Variants in PRKCH observed in about 807,000 individuals in gnomAD.
PRKCH encodes protein kinase C eta type.
PRKCH carries 28 observed loss-of-function variants against 82.5 expected under a neutral mutation model. The observed-to-expected ratio is 0.34, with a 90% CI of 0.25 to 0.47. The LOEUF is 0.47. PRKCH is among the 20% of genes least tolerant of loss of function. The pLI is 1.00. For synonymous variants in PRKCH, 322 were observed against 327.4 expected (o/e 0.98, Z 0.18); for missense variants, 705 against 881.8 (o/e 0.80, Z 2.54).
At chr14:61,194,819 C>T (rs900195672) in intron 1 of PRKCH, among the ~76,000 whole-genome samples, 21 of 152,146 alleles carry the variant, frequency 1.4e-4, no homozygotes, top group Admixed American at 2.6e-4. Context: ...CTGCAACCTC[C>T]GCCTCCCAGG....
At chr14:61,306,306 G>C (rs936795045) in intron 1 of PRKCH, 1 of 152,134 alleles carries the variant, frequency 6.6e-6, no homozygotes, top group Non-Finnish European at 1.5e-5. Context: ...CCTGCACATG[G>C]GCTACACAGG....
At chr14:61,302,283 T>G (rs1202531846) in intron 1 of PRKCH, among the ~76,000 whole-genome samples, 1 of 152,248 alleles carries the variant, frequency 6.6e-6, no homozygotes, top group South Asian at 2.1e-4. Context: ...ATAGCATTCT[T>G]GCCTTTCCCA....
At chr14:61,220,308 C>T (rs2044645941) in intron 1 of PRKCH, among the ~76,000 whole-genome samples, 2 of 152,248 alleles carry the variant, frequency 1.3e-5, no homozygotes, top group Non-Finnish European at 1.5e-5. Context: ...TTTTGATCAC[C>T]TCGGCCAGAG....
At chr14:61,479,404 G>A (rs1391695419) in intron 9 of PRKCH, among the ~76,000 whole-genome samples, 1 of 152,164 alleles carries the variant, frequency 6.6e-6, no homozygotes, top group East Asian at 1.9e-4. Context: ...ATGCGGCCAG[G>A]CTGGAGCATG....
intron 1 of PRKCH, among the ~76,000 whole-genome samples, chr14:61,193,570 A>G (rs1399809778): frequency 6.6e-6 from 1 of 152,172 alleles, no homozygotes; most frequent in East Asian, 1.9e-4. Context: ...AACCTAGAAT[A>G]TGAAAGCATT....
chr14:61,372,831 T>C (rs1202228581), intron 1 of PRKCH, among the ~76,000 whole-genome samples: 1 of 152,084 alleles, frequency 6.6e-6, no homozygotes, highest in African/African-American at 2.4e-5. Flanking sequence ...GCTATAAAGT[T>C]CTATGGGTTT....
intron 1 of PRKCH, among the ~76,000 whole-genome samples, chr14:61,363,171 T>C (rs1019876540): frequency 6.6e-6 from 1 of 152,146 alleles, no homozygotes; most frequent in African/African-American, 2.4e-5. Context: ...TCAAGGACTA[T>C]AAAGGGGTAG....
At chr14:61,341,559 T>C (rs2045930105) in intron 1 of PRKCH, among the ~76,000 whole-genome samples, 1 of 152,024 alleles carries the variant, frequency 6.6e-6, no homozygotes, top group Admixed American at 6.6e-5. Flanking sequence ...CTCCCTGTAG[T>C]GAGGGAGGCA....
chr14:61,308,166 G>A (rs899145918), intron 1 of PRKCH, among the ~76,000 whole-genome samples: 2 of 152,152 alleles, frequency 1.3e-5, no homozygotes, highest in Non-Finnish European at 1.5e-5. Flanking sequence ...CTTAAAATGT[G>A]TAACAATTAT....
At position 61,502,097 on chromosome 14, in the gene PRKCH, C is replaced by T. The variant is rs117260673; in HGVS notation, c.1433+16441C>T. ...TTTTTTTTTTTCCGAGATGGAGTCT[C>T]ACTCTCACTCAGGCAGGAGTGCAAT... On this transcript the variant is annotated intron_variant, in intron 10 of 13. Coordinates refer to ENST00000332981, the MANE Select transcript of PRKCH (RefSeq NM_006255.5). Among the ~76,000 whole-genome samples the T allele has an allele frequency of 3.1e-3, 417 of 136,718 alleles. 19 individuals are homozygous for T. In the East Asian group the frequency reaches 0.055, roughly 18 times the overall value. The allele number at this position is 136,718 out of a possible 152,430, so 89.7% of individuals were successfully genotyped here. A position where few individuals can be genotyped will look rare whatever the true frequency, so the allele number is the denominator to read the frequency against.
rs561345658 is a variant in PRKCH, at chr14:61,529,704, A to G, written c.1572+491A>G. On this transcript the variant is annotated intron_variant, in intron 11 of 13. Transcript: ENST00000332981. ...CTCACTCATAGGTGGGAATTGAACG[A>G]TGAGATCACATGGACACAGGAAGGG... 6.3e-5 allele frequency among the ~76,000 whole-genome samples: 8 copies of G among 127,314 alleles called. No individual in the cohort carries two copies. In the East Asian group the frequency reaches 1.9e-3, roughly 30 times the overall value. 83.5% of individuals were successfully genotyped at this position (127,314 alleles called of 152,430 possible). A position where few individuals can be genotyped will look rare whatever the true frequency, so the allele number is the denominator to read the frequency against.
intron 2 of PRKCH, among the ~76,000 whole-genome samples, chr14:61,422,535 G>A (rs1364258429): frequency 1.3e-5 from 2 of 152,104 alleles, no homozygotes; most frequent in South Asian, 2.1e-4. Flanking sequence ...GTACTCTGCT[G>A]CTTAGGCTTT....
intron 10 of PRKCH, among the ~76,000 whole-genome samples, chr14:61,513,912 C>T (rs544574160): frequency 6.6e-6 from 1 of 152,062 alleles, no homozygotes; most frequent in Non-Finnish European, 1.5e-5. Flanking sequence ...GAGGGAATAT[C>T]ATCGTGTCCC....
chr14:61,222,217 A>G (rs143997986), intron 1 of PRKCH, among the ~76,000 whole-genome samples: 1 of 152,350 alleles, frequency 6.6e-6, no homozygotes. Flanking sequence ...ATTGTGTTTT[A>G]ATCATGAAAT....
chr14:61,254,068 C>T (rs1594875909), intron 1 of PRKCH, among the ~76,000 whole-genome samples: 3 of 139,198 alleles, frequency 2.2e-5, no homozygotes, highest in Admixed American at 8.0e-5. Context: ...TCTACTATGT[C>T]GAAACTCTAT....
intron 1 of PRKCH, 42 bp downstream of exon 1, chr14:61,322,506 C>T (rs754418504): frequency 7.7e-6 from 12 of 1,558,952 alleles, no homozygotes; most frequent in Middle Eastern, 1.7e-4. Flanking sequence ...CACCCAACCC[C>T]CGTTCCCCTT....
chr14:61,425,324 T>C (rs564179439), intron 2 of PRKCH, among the ~76,000 whole-genome samples: 15 of 152,244 alleles, frequency 9.9e-5, no homozygotes, highest in South Asian at 4.1e-4. Flanking sequence ...GAGGGGGATA[T>C]ACCCTGCAGA....
At chr14:61,486,807 C>T (rs1368139016) in intron 10 of PRKCH, among the ~76,000 whole-genome samples, 1 of 151,992 alleles carries the variant, frequency 6.6e-6, no homozygotes, top group Admixed American at 6.6e-5. Context: ...AGTCACCACA[C>T]CCAGCTCACA....
intron 1 of PRKCH, among the ~76,000 whole-genome samples, chr14:61,379,774 C>A (rs2046474174): frequency 6.6e-6 from 1 of 152,138 alleles, no homozygotes; most frequent in Non-Finnish European, 1.5e-5. Context: ...CCATCTCCAG[C>A]CAGGGTCACA....
Sources: gnomAD v4.1 joint callset for allele counts (sites outside exome capture counted in the v4.1 genomes callset) on GRCh38, gnomAD v4.1.1 for gene constraint, MANE v1.5 for transcripts, NCBI Gene and HGNC (gene_info 2026-07-23, HGNC 2026-07-21) for gene names.